The following KLF12 variants were observed in gnomAD, a reference collection of about 807,000 sequenced individuals.
The protein encoded by KLF12 is Krueppel-like factor 12.
KLF12 carries 9 observed loss-of-function variants against 37.8 expected under a neutral mutation model. The observed-to-expected ratio is 0.24, with a 90% confidence interval of 0.14 to 0.42. KLF12 has a LOEUF of 0.42. Among genes scored for constraint, KLF12 ranks in the 10% least tolerant of loss-of-function variants. The pLI is 1.00. For missense variants in KLF12, 411 were observed against 516.0 expected, an observed-to-expected ratio of 0.80 and a Z score of 1.97; for synonymous variants, 208 against 202.1, an observed-to-expected ratio of 1.03 and a Z score of -0.25.
intron 1 of KLF12, among the ~76,000 whole-genome samples, chr13:74,088,500 T>C (rs766180223): frequency 1.4e-4 from 22 of 152,120 alleles, no homozygotes; most frequent in African/African-American, 5.3e-4. Context: ...AGTGCTGGGA[T>C]TGCAGGCATA....
At chr13:73,841,264 T>C (rs1420515192) in intron 4 of KLF12, among the ~76,000 whole-genome samples, 2 of 152,144 alleles carry the variant, frequency 1.3e-5, no homozygotes, top group Admixed American at 1.3e-4. Flanking sequence ...GAACCAAGAA[T>C]AACTTTGCCT....
the KLF12 span, among the ~76,000 whole-genome samples, chr13:74,274,533 A>C: frequency 6.6e-6 from 1 of 151,954 alleles, no homozygotes; most frequent in Non-Finnish European, 1.5e-5. Context: ...TTGCCAACTT[A>C]CTCTTGAGTA....
chr13:73,851,999 GA>G (rs1248078338), intron 3 of KLF12, among the ~76,000 whole-genome samples: 3 of 152,140 alleles, frequency 2.0e-5, no homozygotes, highest in African/African-American at 7.2e-5. Context: ...GGTTTTAAGA[GA>G]TGAGCACCAT....
At chr13:73,710,859 ACTTCGAAAG>A (rs1875348294) in intron 7 of KLF12, among the ~76,000 whole-genome samples, 1 of 152,240 alleles carries the variant, frequency 6.6e-6, no homozygotes, top group Admixed American at 6.5e-5. Flanking sequence ...CGAGTCAGGC[ACTTCGAAAG>A]CTGAGATGGG....
At chr13:74,223,850 G>A in the KLF12 span, among the ~76,000 whole-genome samples, 2 of 152,086 alleles carry the variant, frequency 1.3e-5, no homozygotes, top group Non-Finnish European at 2.9e-5. Context: ...TTGATCATCA[G>A]TCATCATGTC....
chr13:74,165,073 A>G, the KLF12 span, among the ~76,000 whole-genome samples: 1 of 152,202 alleles, frequency 6.6e-6, no homozygotes, highest in Non-Finnish European at 1.5e-5. Flanking sequence ...TAACACAAAG[A>G]AATGATAAAT....
chr13:74,016,582 T>G (rs1892693510), intron 1 of KLF12, among the ~76,000 whole-genome samples: 1 of 152,124 alleles, frequency 6.6e-6, no homozygotes, highest in Non-Finnish European at 1.5e-5. Context: ...ATACTGGTCT[T>G]GACCTCCTGA....
At chr13:74,054,692 A>C (rs1258758914) in intron 1 of KLF12, among the ~76,000 whole-genome samples, 2 of 152,200 alleles carry the variant, frequency 1.3e-5, no homozygotes, top group Non-Finnish European at 2.9e-5. Flanking sequence ...TGTTCCTAAT[A>C]TATCAAGGTT....
the KLF12 span, among the ~76,000 whole-genome samples, chr13:74,190,048 G>C: frequency 6.6e-6 from 1 of 151,996 alleles, no homozygotes; most frequent in South Asian, 2.1e-4. Flanking sequence ...TTACTGCAAA[G>C]AGTAACCTTG....
intron 4 of KLF12, among the ~76,000 whole-genome samples, chr13:73,818,526 C>G (rs1316872177): frequency 1.3e-5 from 2 of 152,258 alleles, no homozygotes; most frequent in Non-Finnish European, 2.9e-5. Context: ...CTCACCCCAG[C>G]CTGCCTGCTG....
chr13:74,009,483 T>C (rs1434395358), intron 1 of KLF12, among the ~76,000 whole-genome samples: 2 of 152,174 alleles, frequency 1.3e-5, no homozygotes, highest in African/African-American at 4.8e-5. Flanking sequence ...CCACACTCTT[T>C]TCCTCATGCC....
chr13:73,969,914 A>C (rs545831831), intron 2 of KLF12, among the ~76,000 whole-genome samples: 1 of 152,304 alleles, frequency 6.6e-6, no homozygotes, highest in East Asian at 1.9e-4. Context: ...CTCTTGACCT[A>C]CCTATCTTTT....
At chr13:74,092,577 T>G (rs1486743276) in intron 1 of KLF12, among the ~76,000 whole-genome samples, 1 of 151,434 alleles carries the variant, frequency 6.6e-6, no homozygotes, top group Non-Finnish European at 1.5e-5. Flanking sequence ...TGAGCTGAGA[T>G]TGCGCCACTG....
intron 7 of KLF12, among the ~76,000 whole-genome samples, chr13:73,709,090 T>C (rs1261991729): frequency 6.6e-6 from 1 of 152,224 alleles, no homozygotes; most frequent in African/African-American, 2.4e-5. Flanking sequence ...TTATCTAAAC[T>C]GTACACTCAT....
chr13:74,116,534 C>T (rs1222755085), intron 1 of KLF12, among the ~76,000 whole-genome samples: 1 of 152,182 alleles, frequency 6.6e-6, no homozygotes, highest in Non-Finnish European at 1.5e-5. Flanking sequence ...CAATCCCTTG[C>T]ACATCATGAA....
At chr13:74,256,718 G>GTGTGTGTC in the KLF12 span, among the ~76,000 whole-genome samples, 1 of 146,796 alleles carries the variant, frequency 6.8e-6, no homozygotes, top group Non-Finnish European at 1.5e-5. Context: ...GTGTGTGTGT[G>GTGTGTGTC]TCTAAGATTT....
the KLF12 span, among the ~76,000 whole-genome samples, chr13:74,287,027 T>C: frequency 6.6e-6 from 1 of 152,192 alleles, no homozygotes; most frequent in Non-Finnish European, 1.5e-5. Flanking sequence ...TAAAGTAAGC[T>C]TTATAAATCA....
At chr13:74,064,821 G>A (rs1873811684) in intron 1 of KLF12, among the ~76,000 whole-genome samples, 2 of 152,154 alleles carry the variant, frequency 1.3e-5, no homozygotes. Context: ...GAAAGTCTGT[G>A]TGATTTGTAC....
intron 4 of KLF12, among the ~76,000 whole-genome samples, chr13:73,828,185 C>T (rs187257157): frequency 2.0e-5 from 3 of 152,178 alleles, no homozygotes; most frequent in Non-Finnish European, 4.4e-5. Flanking sequence ...TCTGTTGGTG[C>T]CCAAAGTCTT....
Sources: gnomAD v4.1 joint callset for allele counts (sites outside exome capture counted in the v4.1 genomes callset) on GRCh38, gnomAD v4.1.1 for gene constraint, MANE v1.5 for transcripts, NCBI Gene and HGNC (gene_info 2026-07-23, HGNC 2026-07-21) for gene names.